The following TMEM132B variants were observed in gnomAD, a reference collection of about 807,000 sequenced individuals.
TMEM132B encodes the protein transmembrane protein 132B.
Under a neutral mutation model 90.8 loss-of-function variants are expected in TMEM132B, and 18 were observed. That is an observed-to-expected ratio of 0.20 (90% confidence interval 0.14 to 0.29). The LOEUF is 0.29. TMEM132B is among the 10% of genes least tolerant of loss of function. The pLI is 1.00. For missense variants in TMEM132B, 1,096 were observed against 1,326.8 expected (o/e 0.83, Z 2.70); for synonymous variants, 504 against 523.3 (o/e 0.96, Z 0.50).
chr12:125,286,081 C>T (rs905060477), intron 1 of TMEM132B, among the ~76,000 whole-genome samples: 32 of 152,344 alleles, frequency 2.1e-4, no homozygotes, highest in Admixed American at 8.5e-4. Context: ...GTCACCCTAG[C>T]GCCAGGTACT....
At chr12:125,493,376 G>A (rs754677529) in intron 3 of TMEM132B, among the ~76,000 whole-genome samples, 16 of 152,202 alleles carry the variant, frequency 1.1e-4, no homozygotes, top group Non-Finnish European at 1.9e-4. Context: ...AAACACACAT[G>A]AAAGGGGATA....
intron 1 of TMEM132B, among the ~76,000 whole-genome samples, chr12:125,261,029 C>T (rs1470192218): frequency 1.3e-5 from 2 of 152,124 alleles, no homozygotes; most frequent in Non-Finnish European, 2.9e-5. Context: ...TCTTCTGCCT[C>T]ACTGATAGGT....
At chr12:125,495,098 C>T (rs1489102916) in intron 3 of TMEM132B, among the ~76,000 whole-genome samples, 7 of 92,904 alleles carry the variant, frequency 7.5e-5, no homozygotes, top group Non-Finnish European at 1.1e-4. Context: ...TGAAAATGGC[C>T]GCATCTCTCC....
At chr12:125,276,872 A>G (rs565631410) in intron 1 of TMEM132B, among the ~76,000 whole-genome samples, 1 of 152,322 alleles carries the variant, frequency 6.6e-6, no homozygotes, top group Non-Finnish European at 1.5e-5. Flanking sequence ...GACTGTTGAA[A>G]GGTAGGCAGG....
chr12:125,415,588 A>G lies in TMEM132B; in HGVS notation c.1017A>G (p.Gln339=), dbSNP rs1879986979. ...ITAVRVSSED[Q]WAVQEEIDNG... ...CAGTGAGAGTCAGCAGTGAGGACCA[A>G]TGGGCAGTCCAGGAGGAAATTGATA... is the stretch of plus-strand genomic sequence containing the variant. Residue 339 remains glutamine, a synonymous_variant, in exon 3 of 9, where the codon CAA becomes CAG. Coordinates refer to ENST00000682704, the MANE Select transcript of TMEM132B (RefSeq NM_001366854.1). The surrounding 1 kb of genome is among the most constrained non-coding windows in gnomAD (Gnocchi z 5.3). 1.9e-6 allele frequency: 3 copies of G among 1,614,192 alleles called. No individual in the cohort carries two copies. The highest frequency in any genetic ancestry group is 1.3e-5 in the African/African-American group (1 of 75,030).
intron 5 of TMEM132B, among the ~76,000 whole-genome samples, chr12:125,595,168 A>C (rs1885411346): frequency 6.6e-6 from 1 of 152,080 alleles, no homozygotes; most frequent in Non-Finnish European, 1.5e-5. Context: ...TGCCCTGTTG[A>C]GCTTTCTTTG....
chr12:125,354,811 C>A (rs1877715270), intron 2 of TMEM132B, among the ~76,000 whole-genome samples: 1 of 152,214 alleles, frequency 6.6e-6, no homozygotes, highest in Non-Finnish European at 1.5e-5. Context: ...TTAATTGATA[C>A]TGTTAATTCA....
At position 125,349,178 on chromosome 12, in the gene TMEM132B, A is replaced by G. The variant is rs1877466188; in HGVS notation, c.68-274A>G. 6.6e-6 allele frequency among the ~76,000 whole-genome samples: 1 copy of G among 152,212 alleles called. No individual in the cohort carries two copies. Among genetic ancestry groups the G allele is most frequent in the African/African-American group, 2.4e-5 (1 of 41,448 alleles). ...GAGTTTATGATTTCGCACAAGCAGC[A>G]GAAGCAATGTTTTCCCTTTAGAAAG... On this transcript the variant is annotated intron_variant, in intron 1 of 8. Coordinates refer to ENST00000682704, the MANE Select transcript of TMEM132B (RefSeq NM_001366854.1). The surrounding 1 kb of genome is among the most constrained non-coding windows in gnomAD (Gnocchi z 4.1).
At chr12:125,402,135 C>T in intron 2 of TMEM132B, among the ~76,000 whole-genome samples, 1 of 152,184 alleles carries the variant, frequency 6.6e-6, no homozygotes, top group Non-Finnish European at 1.5e-5. Context: ...CTGAAGCACC[C>T]ATTGTCCTCA....
intron 2 of TMEM132B, among the ~76,000 whole-genome samples, chr12:125,350,997 G>A (rs533471646): frequency 1.3e-5 from 2 of 152,334 alleles, no homozygotes; most frequent in South Asian, 4.1e-4. Flanking sequence ...TTAGAGTTTG[G>A]TGAAGTTTTT....
At chr12:125,479,505 G>C (rs1881983504) in intron 3 of TMEM132B, among the ~76,000 whole-genome samples, 1 of 152,154 alleles carries the variant, frequency 6.6e-6, no homozygotes, top group Non-Finnish European at 1.5e-5. Context: ...AAAATCAAAA[G>C]AGACAAAGAA....
In TMEM132B at chr12:125,405,186, T is replaced by A. The variant is rs148152450; in HGVS notation, c.960-10345T>A. ...CCCAAAATCAAGATGTCCGTAGGGT[T>A]GAGAAACCTTCTCATGCTTTTCCCC... On this transcript the variant is annotated intron_variant, in intron 2 of 8. Coordinates refer to ENST00000682704, the MANE Select transcript of TMEM132B (RefSeq NM_001366854.1). Among the ~76,000 whole-genome samples the A allele has an allele frequency of 1.1e-4, 17 of 152,350 alleles. No individual in the cohort carries two copies. The East Asian group carries it at 3.3e-3, about 29-fold the overall frequency.
Position 125,494,974 on chromosome 12 carries a change from C to T in TMEM132B, c.1107-24465C>T, listed in dbSNP as rs535419179. Among the ~76,000 whole-genome samples the T allele has an allele frequency of 2.7e-4, 37 of 135,144 alleles. 2 individuals carry two copies. The South Asian group carries it at 8.6e-3, about 31-fold the overall frequency. 88.7% of individuals were successfully genotyped at this position (135,144 alleles called of 152,430 possible). ...TGAAAATGGATGCGTCCCTCCTCCC[C>T]CTCCTCCCTGGAAATGGCTGTGTCC... On this transcript the variant is annotated intron_variant, in intron 3 of 8. Transcript: ENST00000682704.
chr12:125,575,692 A>AGT (rs1884926201), intron 4 of TMEM132B, among the ~76,000 whole-genome samples: 2 of 151,874 alleles, frequency 1.3e-5, no homozygotes, highest in Admixed American at 6.6e-5. Flanking sequence ...TAATGGTTTG[A>AGT]GTGCTTAAAT....
At chr12:125,577,207 A>C (rs1884960703) in intron 4 of TMEM132B, among the ~76,000 whole-genome samples, 1 of 151,586 alleles carries the variant, frequency 6.6e-6, no homozygotes. Context: ...CTCTTGAGCC[A>C]GTTTTGGTAG....
At chr12:125,318,871 C>T (rs1566000555) in intron 1 of TMEM132B, among the ~76,000 whole-genome samples, 1 of 152,182 alleles carries the variant, frequency 6.6e-6, no homozygotes, top group Non-Finnish European at 1.5e-5. Context: ...AAAAATATTA[C>T]ATAATCAATT....
intron 1 of TMEM132B, among the ~76,000 whole-genome samples, chr12:125,197,032 A>T (rs532953660): frequency 6.6e-6 from 1 of 152,252 alleles, no homozygotes; most frequent in East Asian, 1.9e-4. Flanking sequence ...TCAGGGGTAC[A>T]TGTGCAGGTT....
chr12:125,463,327 G>A (rs762776706), intron 3 of TMEM132B, among the ~76,000 whole-genome samples: 48 of 152,136 alleles, frequency 3.2e-4, no homozygotes, highest in Non-Finnish European at 6.5e-4. Flanking sequence ...TCCTTTTATT[G>A]TCACAATAGG....
At position 125,560,831 on chromosome 12, in the gene TMEM132B, C is replaced by CAAAAAAAAA. The variant is rs58083131; in HGVS notation, c.1294-22999_1294-22991dup. ...TGGGTGACAGAGCGAGACTCTGTCT[C>CAAAAAAAAA]AAAAAAAAAAAAAAAAAAAAAAAAA... On this transcript the variant is annotated intron_variant, in intron 4 of 8. Coordinates refer to ENST00000682704, the MANE Select transcript of TMEM132B (RefSeq NM_001366854.1). Among the ~76,000 whole-genome samples the CAAAAAAAAA allele has an allele frequency of 7.5e-3, 218 of 29,258 alleles. 63 individuals are homozygous for CAAAAAAAAA. Among genetic ancestry groups the CAAAAAAAAA allele is most frequent in the African/African-American group, 0.021 (112 of 5,402 alleles). The allele number at this position is 29,258 out of a possible 152,430, so 19.2% of individuals were successfully genotyped here. A position where few individuals can be genotyped will look rare whatever the true frequency, so the allele number is the denominator to read the frequency against.
Sources: allele counts gnomAD v4.1 joint callset (sites outside exome capture counted in the v4.1 genomes callset), GRCh38; gene constraint gnomAD v4.1.1; non-coding constraint Gnocchi (gnomAD v3.1); transcripts MANE v1.5; gene names NCBI Gene and HGNC (gene_info 2026-07-23, HGNC 2026-07-21).